The following TFEC variants were observed in gnomAD, a reference collection of about 807,000 sequenced individuals.
TFEC encodes transcription factor EC, also known as class E basic helix-loop-helix protein 34.
A neutral mutation model predicts 41.6 loss-of-function variants in TFEC; 31 were observed. The observed-to-expected ratio is 0.74, with a 90% CI of 0.56 to 1.01. TFEC has a LOEUF of 1.01. Among genes scored for constraint, TFEC ranks in the 50% least tolerant of loss-of-function variants. TFEC has a pLI of 0.00. For missense variants in TFEC, 402 were observed against 404.1 expected, an observed-to-expected ratio of 0.99 and a Z score of 0.04; for synonymous variants, 143 against 140.6, an observed-to-expected ratio of 1.02 and a Z score of -0.12.
chr7:115,980,645 G>A (rs758204001), intron 2 of TFEC, among the ~76,000 whole-genome samples: 3 of 152,102 alleles, frequency 2.0e-5, no homozygotes, highest in Non-Finnish European at 4.4e-5. Context: ...AGCTACCTGG[G>A]AGGCTGAGGC....
chr7:115,939,289 G>A lies in TFEC; in HGVS notation c.*1262C>T, dbSNP rs895070441. ...ATTGATCGGATGATCACTCTTGGAG[G>A]TCCAGCACAGAGCAACGTGCTTGGT... On this transcript the variant is annotated 3_prime_UTR_variant, in exon 8 of 8. Coordinates refer to ENST00000265440, the MANE Select transcript of TFEC (RefSeq NM_012252.4). 1 of 151,914 alleles carries A rather than the reference G, an allele frequency of 6.6e-6. No homozygotes were observed. The highest frequency in any genetic ancestry group is 1.5e-5 in the Non-Finnish European group (1 of 67,952). 9.4% of individuals were successfully genotyped at this position (151,914 alleles called of 1,614,324 possible).
chr7:116,105,134 T>C (rs1797687423), intron 3 of TFEC, among the ~76,000 whole-genome samples: 1 of 151,894 alleles, frequency 6.6e-6, no homozygotes. Context: ...AAAAGGAAGA[T>C]GTAAGAAGTT....
At position 115,939,247 on chromosome 7, in the gene TFEC, T is replaced by G. The variant is rs749318623; in HGVS notation, c.*1304A>C. The G allele has an allele frequency of 5.3e-5, 8 of 152,162 alleles. No homozygotes were observed. The East Asian group carries it at 1.4e-3, about 26-fold the overall frequency. 9.4% of individuals were successfully genotyped at this position (152,162 alleles called of 1,614,324 possible). ...TCAGGACTCACTGCAGTTCTGAGTA[T>G]GCCTCCATGAATACTCATTGATCGG... On this transcript the variant is annotated 3_prime_UTR_variant, in exon 8 of 8. Transcript: ENST00000265440.
At chr7:116,066,520 A>G (rs186123894) in intron 3 of TFEC, among the ~76,000 whole-genome samples, 3 of 152,130 alleles carry the variant, frequency 2.0e-5, no homozygotes, top group Admixed American at 2.0e-4. Context: ...GAAAAGCAGT[A>G]TATCTTCTTA....
intron 7 of TFEC, 149 bp from the exon 8 acceptor site, chr7:115,941,080 A>C: frequency 2.6e-6 from 2 of 771,150 alleles, no homozygotes; most frequent in East Asian, 2.9e-5. Flanking sequence ...GCAAATAATG[A>C]AATTGATACA....
At chr7:115,987,008 A>C (rs902428979) in intron 1 of TFEC, among the ~76,000 whole-genome samples, 4 of 152,222 alleles carry the variant, frequency 2.6e-5, no homozygotes, top group Non-Finnish European at 4.4e-5. Context: ...TTACTCATGC[A>C]AAAGAAGTCA....
At chr7:116,071,022 G>A (rs1796814562) in intron 3 of TFEC, among the ~76,000 whole-genome samples, 1 of 151,276 alleles carries the variant, frequency 6.6e-6, no homozygotes, top group South Asian at 2.1e-4. Flanking sequence ...TCTGCAGAAT[G>A]ATTAAAGAAA....
At chr7:116,098,103 CATG>C (rs1797511896) in intron 3 of TFEC, among the ~76,000 whole-genome samples, 1 of 152,026 alleles carries the variant, frequency 6.6e-6, no homozygotes. Flanking sequence ...TTGCTAAAAA[CATG>C]ATAATATAAG....
intron 1 of TFEC, among the ~76,000 whole-genome samples, chr7:116,020,674 GA>G (rs1428131504): frequency 6.6e-6 from 1 of 151,954 alleles, no homozygotes; most frequent in Non-Finnish European, 1.5e-5. Flanking sequence ...GACTCTAAGA[GA>G]AAATATTACT....
At chr7:116,133,082 T>C (rs1162434577) in intron 1 of TFEC, among the ~76,000 whole-genome samples, 7 of 152,230 alleles carry the variant, frequency 4.6e-5, no homozygotes, top group Non-Finnish European at 1.0e-4. Context: ...CAATAAAAGC[T>C]ATCATCGATT....
At chr7:116,149,081 A>G (rs1319665503) in intron 1 of TFEC, among the ~76,000 whole-genome samples, 2 of 152,188 alleles carry the variant, frequency 1.3e-5, no homozygotes, top group African/African-American at 4.8e-5. Flanking sequence ...AACTTAATGA[A>G]CTGAGAAATA....
chr7:116,056,322 T>C (rs1387310347), intron 3 of TFEC, among the ~76,000 whole-genome samples: 1 of 152,102 alleles, frequency 6.6e-6, no homozygotes, highest in Non-Finnish European at 1.5e-5. Flanking sequence ...TCTGGTAGTA[T>C]TGGGAGACTA....
upstream of TFEC, among the ~76,000 whole-genome samples, chr7:116,034,043 C>G (rs116653495): frequency 1.7e-3 from 261 of 152,252 alleles, 1 homozygote; most frequent in African/African-American, 6.0e-3. Context: ...AACTTACTTT[C>G]CCTATCAGCA....
At chr7:116,156,228 A>C (rs1798868625) in intron 1 of TFEC, among the ~76,000 whole-genome samples, 2 of 152,156 alleles carry the variant, frequency 1.3e-5, no homozygotes, top group South Asian at 4.1e-4. Flanking sequence ...GAGGGATTTC[A>C]TTCTCTTAAA....
intron 1 of TFEC, among the ~76,000 whole-genome samples, chr7:116,135,452 T>C (rs1798415346): frequency 6.6e-6 from 1 of 152,150 alleles, no homozygotes; most frequent in Non-Finnish European, 1.5e-5. Flanking sequence ...TGAAAAGCAA[T>C]GTCACACTCT....
chr7:115,993,061 T>C (rs1201594836), intron 1 of TFEC, among the ~76,000 whole-genome samples: 1 of 152,032 alleles, frequency 6.6e-6, no homozygotes, highest in African/African-American at 2.4e-5. Flanking sequence ...TACGCAAAAA[T>C]CAATAAACGT....
intron 1 of TFEC, among the ~76,000 whole-genome samples, chr7:116,004,179 T>A (rs779784912): frequency 6.6e-6 from 1 of 152,000 alleles, no homozygotes; most frequent in Non-Finnish European, 1.5e-5. Flanking sequence ...GAAAGTTAAC[T>A]AAACCTAAAT....
At chr7:115,990,654 G>C (rs1794067616) in intron 1 of TFEC, among the ~76,000 whole-genome samples, 1 of 152,144 alleles carries the variant, frequency 6.6e-6, no homozygotes, top group Admixed American at 6.6e-5. Flanking sequence ...TCAAAGGAAT[G>C]AAATGAAATG....
chr7:115,989,722 G>A (rs1318539156), intron 1 of TFEC, among the ~76,000 whole-genome samples: 2 of 152,196 alleles, frequency 1.3e-5, no homozygotes, highest in Admixed American at 6.5e-5. Context: ...AAACAAAGCG[G>A]CCGGGAAGCT....
Sources: allele counts gnomAD v4.1 joint callset (sites outside exome capture counted in the v4.1 genomes callset), GRCh38; gene constraint gnomAD v4.1.1; transcripts MANE v1.5; gene names NCBI Gene and HGNC (gene_info 2026-07-23, HGNC 2026-07-21).